Variants in MPPED2 observed in about 807,000 individuals in gnomAD.
MPPED2 encodes metallophosphoesterase MPPED2.
MPPED2 carries 5 observed loss-of-function variants against 33.0 expected under a neutral mutation model. That is an observed-to-expected ratio of 0.15 (90% CI 0.08 to 0.32). The LOEUF (loss-of-function observed/expected upper bound fraction) is 0.32. Among genes scored for constraint, MPPED2 ranks in the 10% least tolerant of loss-of-function variants. MPPED2 has a pLI of 1.00. For synonymous variants in MPPED2, 136 were observed against 141.9 expected (o/e 0.96, Z 0.29); for missense variants, 275 against 372.1 (o/e 0.74, Z 2.15).
rs1234108670 is a variant in MPPED2, at chr11:30,411,376, G to C, written c.*92C>G. ...AACAATTTACAAAAAGAACTCACAG[G>C]GTTTGTAAATAAGTAAGAGAATGTA... On this transcript the variant is annotated 3_prime_UTR_variant, in exon 7 of 7. Coordinates refer to ENST00000358117, the MANE Select transcript of MPPED2 (RefSeq NM_001584.3). 3 of 1,437,726 alleles carry C rather than the reference G, an allele frequency of 2.1e-6. No homozygotes were observed. In the African/African-American group the frequency reaches 4.2e-5, roughly 20 times the overall value. 89.1% of individuals were successfully genotyped at this position (1,437,726 alleles called of 1,614,324 possible).
chr11:30,456,633 C>T (rs1160432363), intron 4 of MPPED2, among the ~76,000 whole-genome samples: 10 of 152,024 alleles, frequency 6.6e-5, no homozygotes, highest in African/African-American at 1.7e-4. Flanking sequence ...AAACTTTAAG[C>T]AATATTACAA....
chr11:30,570,219 C>T (rs1260715171), intron 2 of MPPED2, among the ~76,000 whole-genome samples: 1 of 151,986 alleles, frequency 6.6e-6, no homozygotes, highest in African/African-American at 2.4e-5. Flanking sequence ...TGGCCCAATT[C>T]CCAGGTCACA....
At chr11:30,538,018 C>T (rs917667786) in intron 2 of MPPED2, among the ~76,000 whole-genome samples, 36 of 151,998 alleles carry the variant, frequency 2.4e-4, no homozygotes, top group African/African-American at 8.0e-4. Flanking sequence ...ATGACTGTTC[C>T]CTGCTGGGGC....
intron 4 of MPPED2, among the ~76,000 whole-genome samples, chr11:30,468,149 T>G (rs573153677): frequency 1.3e-5 from 2 of 152,258 alleles, no homozygotes; most frequent in Non-Finnish European, 2.9e-5. Flanking sequence ...TCTCTACATA[T>G]GGTATCACTT....
chr11:30,486,837 G>A lies in MPPED2; in HGVS notation c.536+8459C>T, dbSNP rs1211955718. Reference sequence around the variant, plus strand: ...TGGACATCATTTAGGGCTTTGCTTGGTTCCATTTTGCTCTATCATCTCTAG... The same window carrying A: ...TGGACATCATTTAGGGCTTTGCTTGATTCCATTTTGCTCTATCATCTCTAG... On this transcript the variant is annotated intron_variant, in intron 4 of 6. Transcript: ENST00000358117. Among the ~76,000 whole-genome samples the A allele has an allele frequency of 2.6e-5, 4 of 152,182 alleles. No individual in the cohort carries two copies. The East Asian group carries it at 7.7e-4, about 29-fold the overall frequency.
intron 2 of MPPED2, among the ~76,000 whole-genome samples, chr11:30,564,200 A>T (rs11031139): frequency 6.6e-6 from 1 of 152,106 alleles, no homozygotes; most frequent in Non-Finnish European, 1.5e-5. Flanking sequence ...AATTGACCCC[A>T]AGGTAATCAT....
chr11:30,424,371 G>C (rs1948740525), intron 4 of MPPED2, among the ~76,000 whole-genome samples: 1 of 152,160 alleles, frequency 6.6e-6, no homozygotes, highest in South Asian at 2.1e-4. Flanking sequence ...TAGCCCTTCT[G>C]AATTGCAACC....
At chr11:30,447,054 A>G (rs2133928952) in intron 4 of MPPED2, among the ~76,000 whole-genome samples, 1 of 152,324 alleles carries the variant, frequency 6.6e-6, no homozygotes, top group African/African-American at 2.4e-5. Flanking sequence ...GATAACATTA[A>G]AAGAACATTA....
chr11:30,491,022 A>G (rs1407645512), intron 4 of MPPED2, among the ~76,000 whole-genome samples: 1 of 152,222 alleles, frequency 6.6e-6, no homozygotes, highest in East Asian at 1.9e-4. Context: ...CCTCCAAAAA[A>G]GTCACTGTGA....
At chr11:30,541,516 AT>A (rs1334441031) in intron 2 of MPPED2, among the ~76,000 whole-genome samples, 2 of 152,220 alleles carry the variant, frequency 1.3e-5, no homozygotes, top group African/African-American at 4.8e-5. Context: ...CTTACAAAGC[AT>A]TTTAAAGGGA....
At chr11:30,569,840 C>A (rs1238417885) in intron 2 of MPPED2, among the ~76,000 whole-genome samples, 1 of 152,102 alleles carries the variant, frequency 6.6e-6, no homozygotes, top group African/African-American at 2.4e-5. Flanking sequence ...CCTAGAAAGC[C>A]AAGTTGCAAT....
At chr11:30,478,409 A>G (rs1160030300) in intron 4 of MPPED2, among the ~76,000 whole-genome samples, 1 of 152,140 alleles carries the variant, frequency 6.6e-6, no homozygotes, top group Non-Finnish European at 1.5e-5. Flanking sequence ...CTGGAAAAAG[A>G]AGGCAGGAGA....
At chr11:30,537,316 C>T (rs577381307) in intron 2 of MPPED2, among the ~76,000 whole-genome samples, 15 of 152,068 alleles carry the variant, frequency 9.9e-5, no homozygotes, top group Non-Finnish European at 2.2e-4. Context: ...ACAAGAGAAG[C>T]AAATATGCAA....
chr11:30,574,814 G>A (rs929072141), intron 2 of MPPED2, among the ~76,000 whole-genome samples: 1 of 152,088 alleles, frequency 6.6e-6, no homozygotes, highest in Non-Finnish European at 1.5e-5. Flanking sequence ...CATACTTGTT[G>A]TAAGAATAAT....
At chr11:30,562,953 T>C (rs1437131488) in intron 2 of MPPED2, among the ~76,000 whole-genome samples, 1 of 152,154 alleles carries the variant, frequency 6.6e-6, no homozygotes, top group African/African-American at 2.4e-5. Flanking sequence ...TGGTTCTATA[T>C]TATCCTGACT....
chr11:30,438,877 T>C (rs1949437411), intron 4 of MPPED2, among the ~76,000 whole-genome samples: 1 of 152,206 alleles, frequency 6.6e-6, no homozygotes, highest in Non-Finnish European at 1.5e-5. Flanking sequence ...TGAAATCATA[T>C]CTTAACTAGA....
intron 4 of MPPED2, among the ~76,000 whole-genome samples, chr11:30,482,717 G>C (rs1951545786): frequency 6.6e-6 from 1 of 152,048 alleles, no homozygotes; most frequent in African/African-American, 2.4e-5. Context: ...ATAATCCACT[G>C]ATTCTGTTTA....
At chr11:30,455,760 T>C (rs1950254611) in intron 4 of MPPED2, among the ~76,000 whole-genome samples, 1 of 152,206 alleles carries the variant, frequency 6.6e-6, no homozygotes, top group South Asian at 2.1e-4. Flanking sequence ...TGGCTTAACA[T>C]GATGAGGTAT....
intron 3 of MPPED2, among the ~76,000 whole-genome samples, chr11:30,518,462 T>C (rs933051566): frequency 6.6e-6 from 1 of 152,206 alleles, no homozygotes; most frequent in East Asian, 1.9e-4. Flanking sequence ...CCAATAAATA[T>C]GCCAAAATGA....
Sources: gnomAD v4.1 joint callset for allele counts (sites outside exome capture counted in the v4.1 genomes callset) on GRCh38, gnomAD v4.1.1 for gene constraint, MANE v1.5 for transcripts, NCBI Gene and HGNC (gene_info 2026-07-23, HGNC 2026-07-21) for gene names.